The following ABCA3 variants were observed in gnomAD, a reference collection of about 807,000 sequenced individuals.
ABCA3 encodes phospholipid-transporting ATPase ABCA3.
ABCA3 carries 88 observed loss-of-function variants against 172.8 expected under a neutral mutation model. The ratio of observed to expected loss-of-function variants is 0.51; its 90% CI spans 0.43 to 0.61. The LOEUF (loss-of-function observed/expected upper bound fraction) is 0.61, where lower values mean the gene tolerates loss of function less well. ABCA3 is among the 20% of genes least tolerant of loss of function. The pLI is 0.00. For missense variants in ABCA3, 2,164 were observed against 2,301.0 expected (o/e 0.94, Z 1.22); for synonymous variants, 1,066 against 983.8 (o/e 1.08, Z -1.56).
chr16:2,289,556 G>A lies in ABCA3; in HGVS notation c.2578C>T (p.Gln860Ter), dbSNP rs747045407. Reference sequence around the variant, plus strand: ...CAGTCGCTGGCGCGCCTCTCGTGCTGGTACTGCAGGGCAGGGAGCTGGATG... The same window carrying A: ...CAGTCGCTGGCGCGCCTCTCGTGCTAGTACTGCAGGGCAGGGAGCTGGATG... Reference protein sequence around the residue: ...QAIQLPALQYQHERRASDWAV... With the variant: ...QAIQLPALQY Residue 860 changes from glutamine to a stop codon, truncating the protein, a stop_gained, in exon 20 of 33, where the codon CAG (glutamine) becomes TAG (stop). Coordinates refer to ENST00000301732, the MANE Select transcript of ABCA3 (RefSeq NM_001089.3). LOFTEE classifies it high-confidence loss of function. 1 of 1,563,214 alleles carries A rather than the reference G, an allele frequency of 6.4e-7. No homozygotes were observed. Among genetic ancestry groups the A allele is most frequent in the South Asian group, 1.2e-5 (1 of 84,938 alleles).
At chr16:2,311,588 T>A (rs1043101809) in intron 10 of ABCA3, among the ~76,000 whole-genome samples, 4 of 152,038 alleles carry the variant, frequency 2.6e-5, no homozygotes, top group African/African-American at 7.2e-5. Flanking sequence ...AGTGGCACGA[T>A]CTTGGCTCAA....
intron 7 of ABCA3, among the ~76,000 whole-genome samples, chr16:2,322,275 C>T (rs1196168555): frequency 6.6e-6 from 1 of 151,770 alleles, no homozygotes; most frequent in Non-Finnish European, 1.5e-5. Flanking sequence ...GAGAAAGGGC[C>T]TTTGCTATCT....
At chr16:2,328,431 C>T (rs2093737793) in intron 3 of ABCA3, 22 bp downstream of exon 3, 1 of 482,866 alleles carries the variant, frequency 2.1e-6, no homozygotes, top group South Asian at 1.5e-5. Flanking sequence ...TCATGAACTT[C>T]AAGAGTTCAT....
At chr16:2,327,168 G>A (rs2093735670) in intron 3 of ABCA3, among the ~76,000 whole-genome samples, 1 of 151,808 alleles carries the variant, frequency 6.6e-6, no homozygotes, top group Non-Finnish European at 1.5e-5. Context: ...AGGCTGGAGT[G>A]CCATGGTGCG....
At chr16:2,335,829 C>A (rs764718009) in intron 1 of ABCA3, among the ~76,000 whole-genome samples, 1 of 152,174 alleles carries the variant, frequency 6.6e-6, no homozygotes, top group Non-Finnish European at 1.5e-5. Context: ...TACAATGCTT[C>A]GCAGTGATGT....
chr16:2,289,113 C>A (rs770982135), intron 20 of ABCA3: 3 of 378,728 alleles, frequency 7.9e-6, no homozygotes, highest in Non-Finnish European at 1.5e-5. Context: ...GGTTTCCCAT[C>A]TGTGAACCGA....
chr16:2,303,549 C>T lies in ABCA3; in HGVS notation c.1467+420G>A, dbSNP rs796605287. Among the ~76,000 whole-genome samples, 26 of 152,054 alleles carry T rather than the reference C, an allele frequency of 1.7e-4. 1 individual carries two copies. The highest frequency in any genetic ancestry group is 6.0e-4 in the African/African-American group (25 of 41,458). ...CCTCCCAAAGAGCTGGGATTACAGGCGTGAGCCACCACGCCTGGCCGAATG... is the reference window on the plus strand; with the variant it reads ...CCTCCCAAAGAGCTGGGATTACAGGTGTGAGCCACCACGCCTGGCCGAATG... On this transcript the variant is annotated intron_variant, in intron 12 of 32. Coordinates refer to ENST00000301732, the MANE Select transcript of ABCA3 (RefSeq NM_001089.3).
rs770001275 is a variant in ABCA3 at position 2,276,728 on chromosome 16, C to T, written c.5061G>A (p.Gln1687=). The T allele has an allele frequency of 6.2e-7, 1 of 1,614,006 alleles. No individual in the cohort carries two copies. The highest frequency in any genetic ancestry group is 8.5e-7 in the Non-Finnish European group (1 of 1,180,054). Residue 1687 remains glutamine (Q), a synonymous_variant, in exon 33 of 33, where the codon CAG becomes CAA. Coordinates refer to ENST00000301732, the MANE Select transcript of ABCA3 (RefSeq NM_001089.3). ...GCAGGTGGGCGAAGCTCAGGAAGAC[C>T]TGTTCCAGCGAGATCTGGCTCACGG... ...DYSVSQISLE[Q]VFLSFAHLQP...
chr16:2,300,298 CAG>C, intron 12 of ABCA3, 150 bp from the exon 13 acceptor site: 6 of 1,131,446 alleles, frequency 5.3e-6, no homozygotes, highest in Middle Eastern at 2.7e-4. Flanking sequence ...GGGAGAGCCC[CAG>C]AGAGTCCCAA....
In ABCA3 at chr16:2,278,542, G is replaced by A. The variant is rs28619106; in HGVS notation, c.4548-84C>T. The A allele has an allele frequency of 6.5e-7, 1 of 1,537,566 alleles. No individual in the cohort carries two copies. The highest frequency in any genetic ancestry group is 2.3e-5 in the East Asian group (1 of 44,092). On this transcript the variant is annotated intron_variant, in intron 29 of 32. Coordinates refer to ENST00000301732, the MANE Select transcript of ABCA3 (RefSeq NM_001089.3). This position sits in a 1 kb window ranked among gnomAD's most constrained non-coding sequence, Gnocchi z 4.4. Reference sequence around the variant, plus strand: ...TGTCCCAGTGGAGGCCCGTGTCCCAGCAGCGGCCCACACCCAGCAATTGCA... The same window carrying A: ...TGTCCCAGTGGAGGCCCGTGTCCCAACAGCGGCCCACACCCAGCAATTGCA...
intron 19 of ABCA3, among the ~76,000 whole-genome samples, chr16:2,290,002 C>CACACACACACACACA (rs10675689): frequency 3.4e-5 from 5 of 147,178 alleles, no homozygotes; most frequent in African/African-American, 1.0e-4. Flanking sequence ...CACACACACA[C>CACACACACACACACA]CCCTTCCTAG....
chr16:2,288,356 C>T, intron 20 of ABCA3, 27 bp from the exon 21 acceptor site: 1 of 1,537,364 alleles, frequency 6.5e-7, no homozygotes, highest in Non-Finnish European at 8.7e-7. Flanking sequence ...GCAGGTGACA[C>T]CGGCACCGCT....
At position 2,284,460 on chromosome 16, in the gene ABCA3, G is replaced by A. The variant is rs754851837; in HGVS notation, c.3704-23C>T. 1 of 1,613,336 alleles carries A rather than the reference G, an allele frequency of 6.2e-7. No individual in the cohort carries two copies. Among genetic ancestry groups the A allele is most frequent in the South Asian group, 1.1e-5 (1 of 91,036 alleles). ...CAGCTGCGTTGGGGAGGTAAGATCA[G>A]TCTGCGCTGGAGGGCACACCACACC... is the stretch of plus-strand genomic sequence containing the variant. On this transcript the variant is annotated intron_variant, in intron 24 of 32. Transcript: ENST00000301732. The surrounding 1 kb of genome is among the most constrained non-coding windows in gnomAD (Gnocchi z 5.9).
chr16:2,324,632 T>A, intron 5 of ABCA3, 101 bp from the exon 6 acceptor site: 1 of 1,541,400 alleles, frequency 6.5e-7, no homozygotes, highest in Non-Finnish European at 8.8e-7. Context: ...CGGCAAATCC[T>A]CTAGGGCTTT....
chr16:2,301,839 GC>G (rs370378742), intron 12 of ABCA3, among the ~76,000 whole-genome samples: 2 of 152,306 alleles, frequency 1.3e-5, no homozygotes, highest in African/African-American at 4.8e-5. Flanking sequence ...TTGGGAGCAA[GC>G]CCCCCAAAGT....
rs1301223664 is a variant in ABCA3 at position 2,284,805 on chromosome 16, A to G, written c.3677T>C (p.Leu1226Pro). Residue 1226 changes from leucine to proline, a missense_variant, in exon 24 of 33, where the codon CTG becomes CCG. By Grantham distance (98) the Leu-to-Pro change is moderately conservative. Around this residue, in one of 3 missense-constraint regions of ABCA3, gnomAD observed 795 missense variants for 881.9 expected, o/e 0.90. Coordinates refer to ENST00000301732, the MANE Select transcript of ABCA3 (RefSeq NM_001089.3). This position sits in a 1 kb window ranked among gnomAD's most constrained non-coding sequence, Gnocchi z 5.9. Reference sequence around the variant, plus strand: ...TGGGATGCGCATGATGGTGACCATCAGGAAGGTGGCGATGCCTGACAGGAT... The same window carrying G: ...TGGGATGCGCATGATGGTGACCATCGGGAAGGTGGCGATGCCTGACAGGAT... The part of the protein sequence containing the change: ...FNILSGIATF[L>P]MVTIMRIPAV... The G allele has an allele frequency of 1.2e-6, 2 of 1,613,780 alleles. No individual in the cohort carries two copies. The highest frequency in any genetic ancestry group is 1.7e-6 in the Non-Finnish European group (2 of 1,179,974).
intron 11 of ABCA3, 98 bp from the exon 12 acceptor site, chr16:2,304,248 C>T (rs558722624): frequency 2.3e-6 from 3 of 1,285,232 alleles, no homozygotes; most frequent in Non-Finnish European, 3.4e-6. Flanking sequence ...TTTGACCTTG[C>T]ATGGCCACTG....
chr16:2,295,781 C>T lies in ABCA3; in HGVS notation c.2264-41G>A, dbSNP rs372160354. ...ACGTGTGAGATCTTTGGCTGATCCC[C>T]CAGGTCTCTTCATGCCCACCCCGGG... On this transcript the variant is annotated intron_variant, in intron 17 of 32. Transcript: ENST00000301732. 1.1e-5 allele frequency: 17 copies of T among 1,612,910 alleles called. No individual in the cohort carries two copies. The African/African-American group carries it at 2.1e-4, about 20-fold the overall frequency.
At chr16:2,294,918 G>C (rs2093677407) in intron 18 of ABCA3, among the ~76,000 whole-genome samples, 1 of 152,170 alleles carries the variant, frequency 6.6e-6, no homozygotes. Context: ...GGGAGGCAGA[G>C]GTTGCAGTGA....
Sources: gnomAD v4.1 joint callset for allele counts (sites outside exome capture counted in the v4.1 genomes callset) on GRCh38, gnomAD v4.1.1 for gene constraint, gnomAD v4.1.1 regional missense constraint, Gnocchi (gnomAD v3.1) non-coding constraint, MANE v1.5 for transcripts, NCBI Gene and HGNC (gene_info 2026-07-23, HGNC 2026-07-21) for gene names.